Variants in CELF5 observed in about 807,000 individuals in gnomAD.
The protein encoded by CELF5 is CUG-BP and ETR-3 like factor 5.
A neutral mutation model predicts 54.9 loss-of-function variants in CELF5; 6 were observed. The observed-to-expected ratio is 0.11, with a 90% CI of 0.06 to 0.22. The LOEUF (loss-of-function observed/expected upper bound fraction) is 0.22. Among genes scored for constraint, CELF5 ranks in the 10% least tolerant of loss-of-function variants. CELF5 has a pLI of 1.00. For synonymous variants in CELF5, 271 were observed against 290.9 expected, an observed-to-expected ratio of 0.93 and a Z score of 0.70; for missense variants, 401 against 678.6, an observed-to-expected ratio of 0.59 and a Z score of 4.54.
chr19:3,237,789 C>T (rs1347488399), intron 1 of CELF5, among the ~76,000 whole-genome samples: 1 of 152,194 alleles, frequency 6.6e-6, no homozygotes, highest in Non-Finnish European at 1.5e-5. Flanking sequence ...GTGGCTCACG[C>T]CTGTAATCCC....
At chr19:3,239,185 G>C (rs11085006) in intron 1 of CELF5, among the ~76,000 whole-genome samples, 23,551 of 151,910 alleles carry the variant, frequency 0.16, 2,091 homozygotes, top group East Asian at 0.26. Context: ...CTGCAGCCTC[G>C]ACCTCCCAGG....
chr19:3,276,898 T>C (rs2080065127), intron 4 of CELF5, among the ~76,000 whole-genome samples: 1 of 151,954 alleles, frequency 6.6e-6, no homozygotes, highest in Non-Finnish European at 1.5e-5. Flanking sequence ...GCGGGGCTTC[T>C]CCACGGACAG....
chr19:3,249,790 C>T (rs868761453), intron 1 of CELF5, among the ~76,000 whole-genome samples: 5 of 152,204 alleles, frequency 3.3e-5, no homozygotes, highest in Admixed American at 1.3e-4. Flanking sequence ...AGAGGGGGAG[C>T]GCATGATCCA....
In CELF5 at chr19:3,225,848, C is replaced by T. The variant is rs1173427921; in HGVS notation, c.259+850C>T. 3.9e-5 allele frequency among the ~76,000 whole-genome samples: 6 copies of T among 152,158 alleles called. No homozygotes were observed. In the East Asian group the frequency reaches 9.8e-4, roughly 25 times the overall value. On this transcript the variant is annotated intron_variant, in intron 1 of 12. Transcript: ENST00000292672. ...TTAGCAATGTGTTGGGGTCTCAGGC[C>T]CAAGACAATGAGCTTGGACGTGTCC...
chr19:3,233,959 G>A (rs1395788537), intron 1 of CELF5, among the ~76,000 whole-genome samples: 1 of 152,212 alleles, frequency 6.6e-6, no homozygotes, highest in African/African-American at 2.4e-5. Context: ...GAAGACGGCG[G>A]CGCCTGGAGG....
intron 2 of CELF5, among the ~76,000 whole-genome samples, chr19:3,272,232 A>G (rs1039015436): frequency 3.3e-5 from 5 of 151,996 alleles, no homozygotes; most frequent in Non-Finnish European, 5.9e-5. Flanking sequence ...AGCTGGGCGT[A>G]TTGGTGCGTG....
chr19:3,233,699 G>T (rs978106469), intron 1 of CELF5, among the ~76,000 whole-genome samples: 86 of 152,298 alleles, frequency 5.6e-4, no homozygotes, highest in African/African-American at 2.0e-3. Context: ...GGAGAAGAGG[G>T]CAGAGAGGGA....
At chr19:3,284,289 C>G (rs1450924952) in intron 8 of CELF5, among the ~76,000 whole-genome samples, 1 of 152,144 alleles carries the variant, frequency 6.6e-6, no homozygotes, top group Non-Finnish European at 1.5e-5. Context: ...ACAAAGTGAA[C>G]TCCTTCCTGC....
At chr19:3,259,433 G>A (rs2079777140) in intron 2 of CELF5, among the ~76,000 whole-genome samples, 1 of 150,262 alleles carries the variant, frequency 6.7e-6, no homozygotes, top group Non-Finnish European at 1.5e-5. Context: ...CAACCCCAAT[G>A]TCCACAGTGC....
chr19:3,260,347 C>A (rs1175780585), intron 2 of CELF5, among the ~76,000 whole-genome samples: 2 of 152,130 alleles, frequency 1.3e-5, no homozygotes, highest in African/African-American at 4.8e-5. Context: ...GAATTCCTGA[C>A]CTCAGGTGAT....
intron 1 of CELF5, among the ~76,000 whole-genome samples, chr19:3,243,325 G>A (rs771021262): frequency 6.6e-6 from 1 of 152,102 alleles, no homozygotes; most frequent in Non-Finnish European, 1.5e-5. Flanking sequence ...GCTGGAGCCA[G>A]GCTGGAACAC....
intron 2 of CELF5, chr19:3,270,748 G>C (rs2079948936): frequency 6.6e-6 from 1 of 152,048 alleles, no homozygotes; most frequent in Admixed American, 6.5e-5. Flanking sequence ...CTGGAGAGGA[G>C]GGGGCTACCC....
In CELF5 at chr19:3,282,991, C is replaced by A. The variant is rs531140646; in HGVS notation, c.1039+493C>A. Among the ~76,000 whole-genome samples the A allele has an allele frequency of 6.6e-6, 1 of 152,222 alleles. No homozygotes were observed. Among genetic ancestry groups the A allele is most frequent in the South Asian group, 2.1e-4 (1 of 4,814 alleles). On this transcript the variant is annotated intron_variant, in intron 8 of 12. Coordinates refer to ENST00000292672, the MANE Select transcript of CELF5 (RefSeq NM_021938.4). The surrounding 1 kb of genome is among the most constrained non-coding windows in gnomAD (Gnocchi z 5.2). ...GATTACAGGCGCATGCCACCATGCC[C>A]GGCTAATTTTTGTAGTTTTAGTAGA...
chr19:3,293,090 G>A (rs983644500), intron 11 of CELF5, among the ~76,000 whole-genome samples: 2 of 152,044 alleles, frequency 1.3e-5, no homozygotes, highest in Non-Finnish European at 2.9e-5. Flanking sequence ...CAGCACAGCC[G>A]ACCCCAAGAT....
chr19:3,241,241 A>G (rs1477689774), intron 1 of CELF5, among the ~76,000 whole-genome samples: 1 of 149,656 alleles, frequency 6.7e-6, no homozygotes, highest in East Asian at 2.0e-4. Flanking sequence ...GCGCCCAGCT[A>G]ATTTTTTTTT....
At chr19:3,256,607 C>T (rs1027369025) in intron 2 of CELF5, among the ~76,000 whole-genome samples, 2 of 151,128 alleles carry the variant, frequency 1.3e-5, no homozygotes, top group East Asian at 1.9e-4. Context: ...CTAACTCTGT[C>T]GCCCAGGCTG....
chr19:3,250,414 G>A (rs2079632754), intron 1 of CELF5, among the ~76,000 whole-genome samples: 1 of 152,276 alleles, frequency 6.6e-6, no homozygotes, highest in Non-Finnish European at 1.5e-5. Flanking sequence ...ACGTGAACCC[G>A]GGAGGCAGAG....
intron 2 of CELF5, among the ~76,000 whole-genome samples, chr19:3,258,406 G>A (rs2079761630): frequency 6.6e-6 from 1 of 151,950 alleles, no homozygotes; most frequent in Non-Finnish European, 1.5e-5. Context: ...ACAGGCATGA[G>A]CCACTGCGCC....
chr19:3,254,127 C>G (rs1313490962), intron 2 of CELF5, among the ~76,000 whole-genome samples: 2 of 152,122 alleles, frequency 1.3e-5, no homozygotes, highest in Non-Finnish European at 2.9e-5. Context: ...GGCTGGTGTC[C>G]TGGATCTGAG....
Sources: allele counts gnomAD v4.1 joint callset (sites outside exome capture counted in the v4.1 genomes callset), GRCh38; gene constraint gnomAD v4.1.1; non-coding constraint Gnocchi (gnomAD v3.1); transcripts MANE v1.5; gene names NCBI Gene and HGNC (gene_info 2026-07-23, HGNC 2026-07-21).